Variants in TRANK1 observed in about 807,000 individuals in gnomAD.
TRANK1 encodes the protein TPR and ankyrin repeat-containing protein 1.
TRANK1 carries 198 observed loss-of-function variants against 266.0 expected under a neutral mutation model. That is an observed-to-expected ratio of 0.74 (90% confidence interval 0.66 to 0.84). TRANK1 has a LOEUF of 0.84. TRANK1 is among the 40% of genes least tolerant of loss of function. The probability of loss-of-function intolerance (pLI) is 0.00; values close to 1 mark genes in which losing one functional copy is unlikely to be tolerated. For synonymous variants in TRANK1, 1,396 were observed against 1,384.1 expected, an observed-to-expected ratio of 1.01 and a Z score of -0.19; for missense variants, 3,326 against 3,634.6, an observed-to-expected ratio of 0.92 and a Z score of 2.18.
rs1332473411 is a variant in TRANK1 at position 36,842,703 on chromosome 3, A to T, written c.5199T>A (p.Asp1733Glu). ...VVKTDENKDF[D>E]DSMFVKTSTP... is the part of the protein sequence containing the mutation. ...TTGAGGTCTTAACGAACATGCTATC[A>T]TCAAAGTCTAAAATGAGAAAGAAAA... Residue 1733 changes from aspartate (D) to glutamate (E), a missense_variant, in exon 18 of 24, where the codon GAT (aspartate) becomes GAA (glutamate). By Grantham distance (45) the Asp-to-Glu change is conservative. Transcript: ENST00000645898. 6.2e-7 allele frequency: 1 copy of T among 1,613,716 alleles called. No homozygotes were observed. Among genetic ancestry groups the T allele is most frequent in the Non-Finnish European group, 8.5e-7 (1 of 1,179,784 alleles).
At chr3:36,829,301 A>G (rs1575170799) in intron 23 of TRANK1, among the ~76,000 whole-genome samples, 1 of 152,222 alleles carries the variant, frequency 6.6e-6, no homozygotes. Context: ...GCAGTGACTG[A>G]GCATTATCAG....
chr3:36,923,492 G>A (rs1198092014), intron 1 of TRANK1, among the ~76,000 whole-genome samples: 3 of 152,078 alleles, frequency 2.0e-5, no homozygotes, highest in Non-Finnish European at 4.4e-5. Flanking sequence ...CTGACCTCAG[G>A]TGATCCACCT....
chr3:36,909,373 C>T (rs1400261686), intron 1 of TRANK1, among the ~76,000 whole-genome samples: 2 of 152,130 alleles, frequency 1.3e-5, no homozygotes, highest in African/African-American at 2.4e-5. Context: ...ACATGGGGGG[C>T]CTTGGTAAGT....
chr3:36,915,692 A>G (rs1281581763), intron 1 of TRANK1, among the ~76,000 whole-genome samples: 4 of 152,200 alleles, frequency 2.6e-5, no homozygotes, highest in African/African-American at 9.7e-5. Flanking sequence ...CACAAATATT[A>G]TAGTTAAAAT....
At position 36,932,765 on chromosome 3, in the gene TRANK1, T is replaced by G. The variant is rs148420625; in HGVS notation, c.23+12022A>C. Among the ~76,000 whole-genome samples the G allele has an allele frequency of 2.4e-3, 364 of 152,308 alleles. 1 individual carries two copies. The highest frequency in any genetic ancestry group is 6.9e-3 in the African/African-American group (286 of 41,554). ...CTTAACAAACTAATAAGAGCAGTGA[T>G]CTTTGGGGAGCAGATCTGGGAATGG... is the stretch of plus-strand genomic sequence containing the variant. On this transcript the variant is annotated intron_variant, in intron 1 of 23. Coordinates refer to ENST00000645898, the MANE Select transcript of TRANK1 (RefSeq NM_001329998.2).
In TRANK1 at chr3:36,833,612, A is replaced by C; in HGVS notation, c.5971T>G (p.Cys1991Gly). 1.2e-6 allele frequency: 2 copies of C among 1,613,918 alleles called. No individual in the cohort carries two copies. The highest frequency in any genetic ancestry group is 1.7e-6 in the Non-Finnish European group (2 of 1,179,858). Residue 1991 changes from cysteine to glycine, a missense_variant, in exon 22 of 24, where the codon TGT (cysteine) becomes GGT (glycine). Physicochemically the swap from Cys to Gly is radical, Grantham distance 159 (BLOSUM62 -3). Transcript: ENST00000645898. ...TTGAGGCGGGCGGCCCCCAGCAGAC[A>C]TGAGGCCTGGAAGTCCTTGTCGGCA... ...LTADKDFQAS[C>G]LLGAARLNVA...
chr3:36,873,602 A>C (rs2079341166), intron 9 of TRANK1, among the ~76,000 whole-genome samples: 1 of 152,216 alleles, frequency 6.6e-6, no homozygotes, highest in Non-Finnish European at 1.5e-5. Flanking sequence ...TGAAAAACTT[A>C]GAGTTAAGAA....
rs368735221 is a variant in TRANK1 at position 36,855,984 on chromosome 3, G to C, written c.3738C>G (p.Ser1246=). ...CATCAAGCAGAAGAAGCAGCTGCTT[G>C]GAAGTGACAAACAGAGGAAAGTTCT... ...RDENFPLFVT[S]KQLLLLLDAS... The change falls in exon 13 of 24, where the codon TCC becomes TCG. Residue 1246 remains serine, a synonymous_variant. Transcript: ENST00000645898. 5.0e-6 allele frequency: 8 copies of C among 1,613,506 alleles called. No homozygotes were observed. The highest frequency in any genetic ancestry group is 6.8e-6 in the Non-Finnish European group (8 of 1,179,852).
intron 3 of TRANK1, among the ~76,000 whole-genome samples, chr3:36,901,364 T>C (rs1041169816): frequency 2.6e-5 from 4 of 152,288 alleles, no homozygotes; most frequent in African/African-American, 7.2e-5. Context: ...TGAACAAACC[T>C]TGCTAAGATA....
intron 20 of TRANK1, among the ~76,000 whole-genome samples, chr3:36,836,585 T>A (rs972806362): frequency 6.6e-6 from 1 of 152,132 alleles, no homozygotes; most frequent in African/African-American, 2.4e-5. Context: ...GAGAAAAGAA[T>A]GAGAATGGAA....
At chr3:36,851,674 C>T in intron 15 of TRANK1, 45 bp downstream of exon 15, 1 of 1,577,816 alleles carries the variant, frequency 6.3e-7, no homozygotes, top group South Asian at 1.2e-5. Flanking sequence ...AAGTTCAGCT[C>T]ATACATAAAT....
At chr3:36,859,703 G>A (rs539311979) in intron 11 of TRANK1, among the ~76,000 whole-genome samples, 3 of 152,186 alleles carry the variant, frequency 2.0e-5, no homozygotes, top group Admixed American at 6.5e-5. Flanking sequence ...CAGCAGCTGC[G>A]CACTCACCTC....
chr3:36,841,190 T>G (rs545316595), intron 18 of TRANK1, among the ~76,000 whole-genome samples: 110 of 152,282 alleles, frequency 7.2e-4, no homozygotes, highest in African/African-American at 2.4e-3. Flanking sequence ...GAAGGATCAT[T>G]AGAGAAGCAG....
chr3:36,935,715 G>A (rs1054368719), intron 1 of TRANK1, among the ~76,000 whole-genome samples: 26 of 152,224 alleles, frequency 1.7e-4, no homozygotes, highest in African/African-American at 5.3e-4. Flanking sequence ...CCAAAGGGCT[G>A]GGATTACAGG....
chr3:36,855,924 T>G lies in TRANK1; in HGVS notation c.3798A>C (p.Glu1266Asp), dbSNP rs1483882035. The G allele has an allele frequency of 6.2e-7, 1 of 1,613,664 alleles. No homozygotes were observed. Among genetic ancestry groups the G allele is most frequent in the South Asian group, 1.1e-5 (1 of 91,058 alleles). The change falls in exon 13 of 24, where the codon GAA becomes GAC. Residue 1266 changes from glutamate to aspartate, a missense_variant. Glu to Asp is a conservative substitution (Grantham distance 45, BLOSUM62 2). Transcript: ENST00000645898. ...SLPKPFFLRN[E>D]DGSLKRTIIG... ...TGATGGTTCTTTTCAAGCTTCCATC[T>G]TCGTTTCTCAGAAAAAATGGTTTGG...
In TRANK1 at chr3:36,852,269, C is replaced by A; in HGVS notation, c.4626G>T (p.Arg1542Ser). 1 of 1,613,318 alleles carries A rather than the reference C, an allele frequency of 6.2e-7. No homozygotes were observed. Among genetic ancestry groups the A allele is most frequent in the Non-Finnish European group, 8.5e-7 (1 of 1,179,646 alleles). The change falls in exon 14 of 24, where the codon AGG becomes AGT. Residue 1542 changes from arginine to serine, a missense_variant. Coordinates refer to ENST00000645898, the MANE Select transcript of TRANK1 (RefSeq NM_001329998.2). ...TAGGACCATCAAAGAGGCCAGAATCCCTTGGAAGGCGATCAAAAGATTCTG... is the reference window on the plus strand; with the variant it reads ...TAGGACCATCAAAGAGGCCAGAATCACTTGGAAGGCGATCAAAAGATTCTG... ...YFPESFDRLP[R>S]DSGLFDGPKP...
intron 1 of TRANK1, among the ~76,000 whole-genome samples, chr3:36,938,009 T>C (rs2080446385): frequency 6.6e-6 from 1 of 152,098 alleles, no homozygotes; most frequent in Non-Finnish European, 1.5e-5. Flanking sequence ...CACAGCAATT[T>C]GCTTCCTCCT....
chr3:36,863,872 A>G (rs1357737790), intron 10 of TRANK1, among the ~76,000 whole-genome samples: 2 of 152,112 alleles, frequency 1.3e-5, no homozygotes, highest in East Asian at 3.8e-4. Flanking sequence ...AAAATATTAT[A>G]TTTTACCTAC....
At position 36,831,091 on chromosome 3, in the gene TRANK1, T is replaced by A; in HGVS notation, c.8492A>T (p.Gln2831Leu). Residue 2831 changes from glutamine to leucine, a missense_variant, in exon 22 of 24, where the codon CAA becomes CTA. By Grantham distance (113) the Gln-to-Leu change is moderately radical. Transcript: ENST00000645898. The surrounding 1 kb of genome is among the most constrained non-coding windows in gnomAD (Gnocchi z 5.0). ...TTCTGAGTATTTCTGGTAGGCCACT[T>A]GCTGCCTCTGGTGGTGTTCTAGATG... ...HIHLEHHQRQ[Q>L]VAYQKYSEFF... The A allele has an allele frequency of 6.2e-7, 1 of 1,613,992 alleles. No individual in the cohort carries two copies. The highest frequency in any genetic ancestry group is 8.5e-7 in the Non-Finnish European group (1 of 1,179,884).
Sources: gnomAD v4.1 joint callset for allele counts (sites outside exome capture counted in the v4.1 genomes callset) on GRCh38, gnomAD v4.1.1 for gene constraint, Gnocchi (gnomAD v3.1) non-coding constraint, MANE v1.5 for transcripts, NCBI Gene and HGNC (gene_info 2026-07-23, HGNC 2026-07-21) for gene names.